Variants in TM4SF18 observed in about 807,000 individuals in gnomAD.
TM4SF18 encodes transmembrane 4 L six family member 18, also known as transmembrane 4 L6 family member 18.
In TM4SF18, 22 loss-of-function variants were observed where a neutral mutation model predicts 23.8. That is an observed-to-expected ratio of 0.92 (90% confidence interval 0.66 to 1.32). The LOEUF is 1.32. Among genes scored for constraint, TM4SF18 ranks in the 40% most tolerant of loss-of-function variants. The probability of loss-of-function intolerance (pLI) is 0.00; values close to 1 mark genes in which losing one functional copy is unlikely to be tolerated. For synonymous variants in TM4SF18, 87 were observed against 87.9 expected (o/e 0.99, Z 0.06); for missense variants, 255 against 240.3 (o/e 1.06, Z -0.41).
At position 149,320,868 on chromosome 3, in the gene TM4SF18, A is replaced by G. The variant is rs1036489514; in HGVS notation, c.*610T>C. ...AACCAAGCATAATTGGCATTTTGTT[A>G]TATTTCCTTTTAGATTTAGTTTTCA... On this transcript the variant is annotated 3_prime_UTR_variant, in exon 6 of 6. Transcript: ENST00000296059. 6.6e-6 allele frequency: 1 copy of G among 152,124 alleles called. No individual in the cohort carries two copies. Among genetic ancestry groups the G allele is most frequent in the African/African-American group, 2.4e-5 (1 of 41,438 alleles). 9.4% of individuals were successfully genotyped at this position (152,124 alleles called of 1,614,324 possible). A position where few individuals can be genotyped will look rare whatever the true frequency, so the allele number is the denominator to read the frequency against.
At chr3:149,333,484 T>TTTTTTG in intron 1 of TM4SF18, 29 bp downstream of exon 1, 2 of 126,698 alleles carry the variant, frequency 1.6e-5, no homozygotes, top group African/African-American at 6.7e-4. Flanking sequence ...CTCTCTCTCT[T>TTTTTTG]TTTTTTTTTT....
Position 149,319,718 on chromosome 3 carries a change from A to G in TM4SF18, c.*1760T>C, listed in dbSNP as rs903500985. The G allele has an allele frequency of 6.6e-6, 1 of 152,230 alleles. No homozygotes were observed. Among genetic ancestry groups the G allele is most frequent in the Admixed American group, 6.5e-5 (1 of 15,286 alleles). The allele number at this position is 152,230 out of a possible 1,614,324, so 9.4% of individuals were successfully genotyped here. On this transcript the variant is annotated 3_prime_UTR_variant, in exon 6 of 6. Coordinates refer to ENST00000296059, the MANE Select transcript of TM4SF18 (RefSeq NM_138786.4). ...GAAGTTCATGTATCTTCCTTTTAAT[A>G]TGATACCATTATTAACATGAACCAG...
chr3:149,326,539 T>C (rs894217230), intron 3 of TM4SF18, among the ~76,000 whole-genome samples: 9 of 152,248 alleles, frequency 5.9e-5, no homozygotes, highest in African/African-American at 1.7e-4. Context: ...TTTCAACTGA[T>C]GGATTTAGCA....
At chr3:149,325,278 T>C (rs1183882522) in intron 3 of TM4SF18, among the ~76,000 whole-genome samples, 1 of 152,200 alleles carries the variant, frequency 6.6e-6, no homozygotes, top group Non-Finnish European at 1.5e-5. Context: ...CCTTGTGGAA[T>C]TTTGATATCA....
chr3:149,327,300 A>G lies in TM4SF18; in HGVS notation c.268-2278T>C, dbSNP rs576113708. On this transcript the variant is annotated intron_variant, in intron 3 of 5. Coordinates refer to ENST00000296059, the MANE Select transcript of TM4SF18 (RefSeq NM_138786.4). ...GTAATTGGTTTTTGAGCAGGAAGTG[A>G]TATGCCCAAAATGTGCTTTTGGAAG... 5.9e-4 allele frequency among the ~76,000 whole-genome samples: 90 copies of G among 152,262 alleles called. 1 individual carries two copies. The highest frequency in any genetic ancestry group is 4.8e-3 in the Admixed American group (73 of 15,294).
chr3:149,331,439 A>G (rs1194608410), intron 2 of TM4SF18, among the ~76,000 whole-genome samples: 1 of 152,142 alleles, frequency 6.6e-6, no homozygotes, highest in Non-Finnish European at 1.5e-5. Context: ...CCTCCTTTCC[A>G]CATCGTTAGT....
intron 2 of TM4SF18, among the ~76,000 whole-genome samples, chr3:149,332,364 A>C (rs1158009431): frequency 6.6e-6 from 1 of 152,220 alleles, no homozygotes; most frequent in Non-Finnish European, 1.5e-5. Flanking sequence ...CTTACAGTCC[A>C]TAATGCACTA....
chr3:149,328,051 GGCC>G (rs1730995054), intron 3 of TM4SF18, among the ~76,000 whole-genome samples: 1 of 152,056 alleles, frequency 6.6e-6, no homozygotes, highest in Non-Finnish European at 1.5e-5. Flanking sequence ...GCCCTTATTT[GGCC>G]AATATTTGCT....
Position 149,333,612 on chromosome 3 carries a change from G to C in TM4SF18, c.-117C>G. On this transcript the variant is annotated 5_prime_UTR_variant, in exon 1 of 6. Transcript: ENST00000296059. ...TCTCAGTGTGAAATACTGGTTTACT[G>C]TTTGGAGAACAATAGACAATGATCA... The C allele has an allele frequency of 9.9e-6, 4 of 404,994 alleles. No individual in the cohort carries two copies. In the Admixed American group the frequency reaches 1.7e-4, roughly 17 times the overall value. The allele number at this position is 404,994 out of a possible 1,614,324, so 25.1% of individuals were successfully genotyped here.
chr3:149,323,490 G>A (rs549058181), intron 4 of TM4SF18, among the ~76,000 whole-genome samples: 6 of 152,282 alleles, frequency 3.9e-5, no homozygotes, highest in East Asian at 1.9e-4. Context: ...GCAGGAAGTC[G>A]GGGACCCCAA....
In TM4SF18 at chr3:149,321,502, A is replaced by T; in HGVS notation, c.592-10T>A. 6.4e-7 allele frequency: 1 copy of T among 1,574,406 alleles called. No individual in the cohort carries two copies. The highest frequency in any genetic ancestry group is 8.7e-7 in the Non-Finnish European group (1 of 1,155,998). On this transcript the variant is annotated splice_polypyrimidine_tract_variant and intron_variant, in intron 5 of 5. Transcript: ENST00000296059. ...TTCAAATGATTCCAGGCTATAGGAA[A>T]AAAGGAAAAACAAAGTGATTAAAGT...
intron 2 of TM4SF18, among the ~76,000 whole-genome samples, chr3:149,331,126 C>A (rs1731077366): frequency 6.6e-6 from 1 of 152,056 alleles, no homozygotes; most frequent in Non-Finnish European, 1.5e-5. Context: ...TCATGAATTG[C>A]TTATGGGAAA....
intron 4 of TM4SF18, among the ~76,000 whole-genome samples, chr3:149,322,825 G>A (rs1377118025): frequency 5.9e-5 from 9 of 151,864 alleles, no homozygotes; most frequent in Non-Finnish European, 1.5e-5. Flanking sequence ...ATGGGAAAGA[G>A]CACAGAATAT....
At position 149,320,855 on chromosome 3, in the gene TM4SF18, T is replaced by C. The variant is rs562489502; in HGVS notation, c.*623A>G. On this transcript the variant is annotated 3_prime_UTR_variant, in exon 6 of 6. Coordinates refer to ENST00000296059, the MANE Select transcript of TM4SF18 (RefSeq NM_138786.4). ...CATCAATGCCCCAAACCAAGCATAA[T>C]TGGCATTTTGTTATATTTCCTTTTA... The C allele has an allele frequency of 2.0e-5, 3 of 152,304 alleles. No individual in the cohort carries two copies. The highest frequency in any genetic ancestry group is 2.1e-4 in the South Asian group (1 of 4,830). The allele number at this position is 152,304 out of a possible 1,614,324, so 9.4% of individuals were successfully genotyped here. A position where few individuals can be genotyped will look rare whatever the true frequency, so the allele number is the denominator to read the frequency against.
At chr3:149,324,380 C>T (rs575506736) in intron 4 of TM4SF18, among the ~76,000 whole-genome samples, 2 of 152,330 alleles carry the variant, frequency 1.3e-5, no homozygotes, top group South Asian at 2.1e-4. Flanking sequence ...ACTGTACTTT[C>T]CTGCTCATCC....
chr3:149,333,402 G>A lies in TM4SF18; in HGVS notation c.-17-3C>T, dbSNP rs368231976. 1.3e-6 allele frequency: 2 copies of A among 1,589,538 alleles called. No individual in the cohort carries two copies. The highest frequency in any genetic ancestry group is 2.7e-5 in the African/African-American group (2 of 74,130). ...CCCCATTTTGCCCTGCTTAGAACCT[G>A]CGGGAGATTTCAAGAGTATACAGTC... On this transcript the variant is annotated splice_region_variant and splice_polypyrimidine_tract_variant and intron_variant, in intron 1 of 5. Transcript: ENST00000296059.
At chr3:149,325,963 T>A (rs1276320662) in intron 3 of TM4SF18, among the ~76,000 whole-genome samples, 1 of 152,180 alleles carries the variant, frequency 6.6e-6, no homozygotes, top group Non-Finnish European at 1.5e-5. Context: ...TGTGTGTATG[T>A]GTGTATATAT....
chr3:149,326,420 G>A (rs563185400), intron 3 of TM4SF18, among the ~76,000 whole-genome samples: 19 of 152,274 alleles, frequency 1.2e-4, no homozygotes, highest in Admixed American at 1.2e-3. Context: ...TTGGTTAAGA[G>A]TATCCTTCAG....
In TM4SF18 at chr3:149,324,915, A is replaced by G. The variant is rs140666552; in HGVS notation, c.375T>C (p.Asp125=). 1 of 1,614,186 alleles carries G rather than the reference A, an allele frequency of 6.2e-7. No individual in the cohort carries two copies. ...LVQGPYCRTL[D]GWEYAFEGTA... ...TGCCTTCAAAAGCATACTCCCAGCC[A>G]TCAAGGGTGCGGCAATATGGCCCTT... Residue 125 remains aspartate, a synonymous_variant, in exon 4 of 6, where the codon GAT becomes GAC. Transcript: ENST00000296059.
Sources: gnomAD v4.1 joint callset for allele counts (sites outside exome capture counted in the v4.1 genomes callset) on GRCh38, gnomAD v4.1.1 for gene constraint, MANE v1.5 for transcripts, NCBI Gene and HGNC (gene_info 2026-07-23, HGNC 2026-07-21) for gene names.